ARID1B: variants seen among roughly 807,000 people sequenced by gnomAD.
ARID1B encodes the protein AT-rich interaction domain 1B.
A neutral mutation model predicts 212.3 loss-of-function variants in ARID1B; 30 were observed. The ratio of observed to expected loss-of-function variants is 0.14; its 90% CI spans 0.11 to 0.19. The LOEUF (loss-of-function observed/expected upper bound fraction) is 0.19. Ranked by LOEUF, ARID1B falls within the 10% of genes least tolerant of loss-of-function variation. The pLI, the probability that ARID1B is intolerant of heterozygous loss-of-function variation, is 1.00. For missense variants in ARID1B, 2,891 were observed against 3,204.0 expected (o/e 0.90, Z 2.36); for synonymous variants, 1,402 against 1,301.7 (o/e 1.08, Z -1.66).
At chr6:157,110,740 C>T in intron 6 of ARID1B, 179 bp downstream of exon 6, 1 of 664,004 alleles carries the variant, frequency 1.5e-6, no homozygotes, top group Non-Finnish European at 2.6e-6. Context: ...AGGATGCTTT[C>T]TTGTAGGTTG....
At position 157,148,564 on chromosome 6, in the gene ARID1B, C is replaced by T; in HGVS notation, c.2762-60C>T. 6.6e-7 allele frequency: 1 copy of T among 1,524,406 alleles called. No individual in the cohort carries two copies. The highest frequency in any genetic ancestry group is 8.9e-7 in the Non-Finnish European group (1 of 1,123,164). The allele number at this position is 1,524,406 out of a possible 1,614,324, so 94.4% of individuals were successfully genotyped here. A position where few individuals can be genotyped will look rare whatever the true frequency, so the allele number is the denominator to read the frequency against. On this transcript the variant is annotated intron_variant, in intron 7 of 19. Coordinates refer to ENST00000636930, the MANE Select transcript of ARID1B (RefSeq NM_001374828.1). This position sits in a 1 kb window ranked among gnomAD's most constrained non-coding sequence, Gnocchi z 5.6. The stretch of plus-strand genomic sequence containing the variant: ...CGCATTGTTGGACAAAAAGTATTTC[C>T]AGTGAATGTTGTCACAAGTTTAAAT...
intron 2 of ARID1B, among the ~76,000 whole-genome samples, chr6:156,848,516 T>C (rs1371551389): frequency 1.3e-5 from 2 of 152,244 alleles, no homozygotes; most frequent in African/African-American, 4.8e-5. Context: ...CCAAATGTTA[T>C]CTTTTAATGT....
intron 4 of ARID1B, among the ~76,000 whole-genome samples, chr6:157,011,271 C>T (rs964710188): frequency 6.6e-6 from 1 of 152,158 alleles, no homozygotes; most frequent in Non-Finnish European, 1.5e-5. Context: ...AATTAGATTG[C>T]TATTTGAGGA....
chr6:157,209,399 G>T lies in ARID1B; in HGVS notation c.*1508G>T, dbSNP rs1214790793. The T allele has an allele frequency of 1.3e-5, 3 of 232,248 alleles. No individual in the cohort carries two copies. The Admixed American group carries it at 1.7e-4, about 13-fold the overall frequency. The allele number at this position is 232,248 out of a possible 1,614,324, so 14.4% of individuals were successfully genotyped here. ...CTACATTTGGAAGAGACCTTTAGGG[G>T]TTACCTACTTTAGAGTGGGGAGCAA... On this transcript the variant is annotated 3_prime_UTR_variant, in exon 20 of 20. Transcript: ENST00000636930.
intron 4 of ARID1B, among the ~76,000 whole-genome samples, chr6:156,962,690 C>G (rs1418357567): frequency 6.6e-6 from 1 of 152,120 alleles, no homozygotes; most frequent in Admixed American, 6.5e-5. Context: ...TCCCATGTTG[C>G]CAGTCTGCTC....
intron 2 of ARID1B, among the ~76,000 whole-genome samples, chr6:156,889,051 A>G (rs1192822965): frequency 6.6e-6 from 1 of 152,232 alleles, no homozygotes; most frequent in Non-Finnish European, 1.5e-5. Flanking sequence ...ACAAACTTAT[A>G]GGTGAGTTTT....
At chr6:156,890,344 G>C (rs925435162) in intron 2 of ARID1B, among the ~76,000 whole-genome samples, 3 of 152,150 alleles carry the variant, frequency 2.0e-5, no homozygotes, top group African/African-American at 7.2e-5. Flanking sequence ...CTTATATCGT[G>C]TGTACCCTTC....
At chr6:157,089,996 T>C (rs1236239953) in intron 5 of ARID1B, among the ~76,000 whole-genome samples, 1 of 152,206 alleles carries the variant, frequency 6.6e-6, no homozygotes, top group African/African-American at 2.4e-5. Context: ...CTGGGCCTGA[T>C]TGCCCCTAAT....
intron 4 of ARID1B, among the ~76,000 whole-genome samples, chr6:157,039,869 T>TTCC (rs1562569981): frequency 8.7e-6 from 1 of 114,810 alleles, no homozygotes; most frequent in Admixed American, 9.3e-5. Context: ...TCTCTCTCTT[T>TTCC]CTCTTTCTTT....
At chr6:157,156,028 T>C (rs551876469) in intron 8 of ARID1B, among the ~76,000 whole-genome samples, 74 of 152,222 alleles carry the variant, frequency 4.9e-4, no homozygotes, top group Non-Finnish European at 9.0e-4. Flanking sequence ...GCCAGTATGA[T>C]GCAATTCTGC....
At position 157,133,170 on chromosome 6, in the gene ARID1B, G is replaced by T. The variant is rs1788671806; in HGVS notation, c.2724G>T (p.Gly908=). The T allele has an allele frequency of 1.9e-6, 3 of 1,613,682 alleles. No homozygotes were observed. The highest frequency in any genetic ancestry group is 2.5e-6 in the Non-Finnish European group (3 of 1,179,854). The change falls in exon 7 of 20, where the codon GGG becomes GGT. Residue 908 remains glycine (G), a synonymous_variant. Transcript: ENST00000636930. ...ISSFQQSNSS[G]TYGPQMSQYG... ...GCTTTCAGCAGAGTAACTCAAGTGG[G>T]ACTTACGGTCCACAGATGAGCCAGT...
intron 3 of ARID1B, among the ~76,000 whole-genome samples, chr6:156,919,835 A>G (rs1384577535): frequency 6.6e-6 from 1 of 152,192 alleles, no homozygotes; most frequent in Non-Finnish European, 1.5e-5. Context: ...TGGCTCTTTA[A>G]ATGAATGAAT....
chr6:156,908,101 C>G (rs185220631), intron 3 of ARID1B, among the ~76,000 whole-genome samples: 9 of 152,192 alleles, frequency 5.9e-5, no homozygotes, highest in Admixed American at 1.3e-4. Context: ...AGGTCTTGCT[C>G]TACTGCCCAG....
intron 2 of ARID1B, among the ~76,000 whole-genome samples, chr6:156,899,174 C>T (rs1788724938): frequency 6.6e-6 from 1 of 152,164 alleles, no homozygotes; most frequent in African/African-American, 2.4e-5. Context: ...GGAAGGCAGT[C>T]CTGTTTGACA....
intron 6 of ARID1B, among the ~76,000 whole-genome samples, chr6:157,112,670 G>A (rs1229411196): frequency 2.0e-5 from 3 of 152,164 alleles, no homozygotes; most frequent in Admixed American, 1.3e-4. Context: ...ATACGTGTTT[G>A]GGAAATTGGG....
rs2128366845 is a variant in ARID1B at position 157,198,920 on chromosome 6, G to A, written c.4479+13G>A. The stretch of plus-strand genomic sequence containing the variant: ...CCCACAGCAGCCGGTGAGTTGGCAA[G>A]TGGGCGTGGGGTGCTGTGTTTTCTG... On this transcript the variant is annotated intron_variant, in intron 17 of 19. Transcript: ENST00000636930. 6.3e-7 allele frequency: 1 copy of A among 1,585,350 alleles called. No individual in the cohort carries two copies. The highest frequency in any genetic ancestry group is 8.6e-7 in the Non-Finnish European group (1 of 1,162,216).
At chr6:156,783,045 T>C (rs1190771832) in intron 1 of ARID1B, among the ~76,000 whole-genome samples, 2 of 152,070 alleles carry the variant, frequency 1.3e-5, no homozygotes, top group African/African-American at 4.8e-5. Context: ...ATATTAATAC[T>C]ACATCAGTAA....
Position 156,779,275 on chromosome 6 carries a change from CGCCGTCGCA to C in ARID1B, c.1599_1607del (p.Ser534_Pro536del), listed in dbSNP as rs752295930. 2.1e-5 allele frequency: 24 copies of C among 1,147,856 alleles called. No individual in the cohort carries two copies. The highest frequency in any genetic ancestry group is 2.5e-5 in the Non-Finnish European group (23 of 933,426). The allele number at this position is 1,147,856 out of a possible 1,614,324, so 71.1% of individuals were successfully genotyped here. A position where few individuals can be genotyped will look rare whatever the true frequency, so the allele number is the denominator to read the frequency against. On this transcript the variant is annotated inframe_deletion, in exon 1 of 20. Transcript: ENST00000636930. ...AGCAGCCCCAGCGCGCCGCCGCCGC[CGCCGTCGCA>C]GCCCCAGTCCCAGGCGGCGGCGGCG...
At chr6:156,926,617 G>A (rs989523184) in intron 3 of ARID1B, among the ~76,000 whole-genome samples, 8 of 152,102 alleles carry the variant, frequency 5.3e-5, no homozygotes, top group African/African-American at 1.9e-4. Context: ...CCTTCATCTT[G>A]TTTCACCTCT....
Sources: gnomAD v4.1 joint callset for allele counts (sites outside exome capture counted in the v4.1 genomes callset) on GRCh38, gnomAD v4.1.1 for gene constraint, Gnocchi (gnomAD v3.1) non-coding constraint, MANE v1.5 for transcripts, NCBI Gene and HGNC (gene_info 2026-07-23, HGNC 2026-07-21) for gene names.